STX8: variants seen among roughly 807,000 people sequenced by gnomAD.
The protein encoded by STX8 is syntaxin 8, also known as syntaxin-8.
Under a neutral mutation model 37.5 loss-of-function variants are expected in STX8, and 23 were observed. The ratio of observed to expected loss-of-function variants is 0.61; its 90% CI spans 0.44 to 0.87. STX8 has a LOEUF of 0.87. Ranked by LOEUF, STX8 falls within the 40% of genes least tolerant of loss-of-function variation. The pLI is 0.00. For missense variants in STX8, 313 were observed against 284.7 expected, an observed-to-expected ratio of 1.10 and a Z score of -0.71; for synonymous variants, 115 against 99.1, an observed-to-expected ratio of 1.16 and a Z score of -0.95.
chr17:9,436,182 CA>C (rs35723779), intron 6 of STX8, among the ~76,000 whole-genome samples: 35,172 of 137,208 alleles, frequency 0.26, 4,199 homozygotes, highest in Middle Eastern at 0.33. Flanking sequence ...ACTAAAAATA[CA>C]AAAAAAAAAA....
At chr17:9,272,319 G>C (rs1907494397) in intron 7 of STX8, among the ~76,000 whole-genome samples, 1 of 152,204 alleles carries the variant, frequency 6.6e-6, no homozygotes, top group Non-Finnish European at 1.5e-5. Flanking sequence ...AGAAGCCCGA[G>C]GAAATGCCCT....
At chr17:9,478,823 C>T (rs528514594) in intron 6 of STX8, among the ~76,000 whole-genome samples, 9 of 152,264 alleles carry the variant, frequency 5.9e-5, no homozygotes, top group South Asian at 4.1e-4. Flanking sequence ...GAGATATCCC[C>T]GTTTTCCCTG....
intron 4 of STX8, among the ~76,000 whole-genome samples, chr17:9,521,619 G>A (rs1905341207): frequency 6.6e-6 from 1 of 152,058 alleles, no homozygotes; most frequent in African/African-American, 2.4e-5. Context: ...GACAAACACT[G>A]AATATCTTCT....
intron 7 of STX8, among the ~76,000 whole-genome samples, chr17:9,301,505 T>C (rs1001096471): frequency 2.0e-5 from 3 of 151,744 alleles, no homozygotes; most frequent in South Asian, 2.1e-4. Context: ...ATTTTTGAGA[T>C]GGAGTCTCAC....
chr17:9,556,561 C>A (rs1451363085), intron 3 of STX8, among the ~76,000 whole-genome samples: 1 of 151,768 alleles, frequency 6.6e-6, no homozygotes, highest in Non-Finnish European at 1.5e-5. Flanking sequence ...CCTGCCTCAA[C>A]CTCCTGAGTA....
intron 4 of STX8, among the ~76,000 whole-genome samples, chr17:9,522,413 A>T (rs1905376516): frequency 6.6e-6 from 1 of 152,032 alleles, no homozygotes; most frequent in Admixed American, 6.6e-5. Context: ...AAAGTTTCCT[A>T]TCGGCCGGGC....
rs1251487462 is a variant in STX8, at chr17:9,278,171, GAT to G, written c.644-27528_644-27527del. ...GGGATTGAAACATACTTTAGGGCCG[GAT>G]GCAGTGGCTTACGCCTGTAATCCCA... On this transcript the variant is annotated intron_variant, in intron 7 of 7. Transcript: ENST00000306357. Among the ~76,000 whole-genome samples, 64 of 152,312 alleles carry G rather than the reference GAT, an allele frequency of 4.2e-4. 1 individual carries two copies. The South Asian group carries it at 0.013, about 31-fold the overall frequency.
At chr17:9,330,509 G>T (rs1909926131) in intron 7 of STX8, among the ~76,000 whole-genome samples, 1 of 152,180 alleles carries the variant, frequency 6.6e-6, no homozygotes, top group African/African-American at 2.4e-5. Context: ...TATGAACAGG[G>T]CTCTGGGGAA....
chr17:9,261,132 T>C (rs953106576), intron 7 of STX8, among the ~76,000 whole-genome samples: 9 of 151,944 alleles, frequency 5.9e-5, no homozygotes, highest in Non-Finnish European at 8.8e-5. Context: ...TCCTGGGATC[T>C]GGGGTCTAGG....
chr17:9,429,559 C>T (rs1245226230), intron 6 of STX8, among the ~76,000 whole-genome samples: 5 of 140,028 alleles, frequency 3.6e-5, no homozygotes, highest in East Asian at 2.1e-4. Flanking sequence ...AAAAATTAGC[C>T]GGGCGTGGTG....
chr17:9,538,897 C>G (rs1385094516), intron 4 of STX8, among the ~76,000 whole-genome samples: 2 of 151,654 alleles, frequency 1.3e-5, no homozygotes, highest in Admixed American at 6.6e-5. Flanking sequence ...AAAGATTTAA[C>G]TAATTGTGAG....
intron 4 of STX8, among the ~76,000 whole-genome samples, chr17:9,529,388 A>G (rs1905720036): frequency 6.6e-6 from 1 of 152,238 alleles, no homozygotes; most frequent in Admixed American, 6.5e-5. Context: ...ATACATGTAC[A>G]TGTAGTATAT....
chr17:9,353,838 A>G (rs888946878), intron 7 of STX8, among the ~76,000 whole-genome samples: 3 of 152,224 alleles, frequency 2.0e-5, no homozygotes, highest in Non-Finnish European at 2.9e-5. Flanking sequence ...TCAAGATATA[A>G]CAGAACCTAC....
In STX8 at chr17:9,335,123, G is replaced by A. The variant is rs146085206; in HGVS notation, c.643+43429C>T. 6.1e-3 allele frequency among the ~76,000 whole-genome samples: 933 copies of A among 152,126 alleles called. 10 individuals are homozygous for A. Among genetic ancestry groups the A allele is most frequent in the Non-Finnish European group, 9.7e-3 (659 of 68,008 alleles). On this transcript the variant is annotated intron_variant, in intron 7 of 7. Coordinates refer to ENST00000306357, the MANE Select transcript of STX8 (RefSeq NM_004853.3). The stretch of plus-strand genomic sequence containing the variant: ...CCCCACCACTCTGACTCATACCCCT[G>A]CTCTCTTTAAAATAGCCAATCGGAA...
At chr17:9,279,612 C>T (rs1907806539) in intron 7 of STX8, among the ~76,000 whole-genome samples, 1 of 152,160 alleles carries the variant, frequency 6.6e-6, no homozygotes, top group Non-Finnish European at 1.5e-5. Flanking sequence ...ATCTTCTCTG[C>T]TTTCACAGCC....
chr17:9,316,463 T>C (rs1006005438), intron 7 of STX8, among the ~76,000 whole-genome samples: 2 of 152,078 alleles, frequency 1.3e-5, no homozygotes, highest in African/African-American at 4.8e-5. Flanking sequence ...TGGTCAATAA[T>C]TTAATCTACC....
Position 9,491,816 on chromosome 17 carries a change from GACTTATTCT to G in STX8, c.541+4_541+12del. ...TCAACGGCAAATCTGGTCAATCCCAGACTTATTCTTACCATTTTGTTCATCCAATTCATT... is the reference window on the plus strand; with the variant it reads ...TCAACGGCAAATCTGGTCAATCCCAGTACCATTTTGTTCATCCAATTCATT... On this transcript the variant is annotated splice_donor_5th_base_variant and intron_variant, in intron 6 of 7. Coordinates refer to ENST00000306357, the MANE Select transcript of STX8 (RefSeq NM_004853.3). 1.2e-6 allele frequency: 2 copies of G among 1,609,218 alleles called. No homozygotes were observed. Among genetic ancestry groups the G allele is most frequent in the Non-Finnish European group, 1.7e-6 (2 of 1,176,990 alleles).
intron 6 of STX8, among the ~76,000 whole-genome samples, chr17:9,474,033 T>C (rs1905993171): frequency 6.6e-6 from 1 of 152,174 alleles, no homozygotes; most frequent in African/African-American, 2.4e-5. Flanking sequence ...TGGCTGATGA[T>C]GTCATCGATC....
intron 1 of STX8, 130 bp from the exon 2 acceptor site, chr17:9,568,600 G>A (rs1427946420): frequency 3.9e-5 from 25 of 633,030 alleles, no homozygotes; most frequent in Admixed American, 1.9e-4. Context: ...TCCTGGGTTC[G>A]CACCATTCTC....
Sources: allele counts gnomAD v4.1 joint callset (sites outside exome capture counted in the v4.1 genomes callset), GRCh38; gene constraint gnomAD v4.1.1; transcripts MANE v1.5; gene names NCBI Gene and HGNC (gene_info 2026-07-23, HGNC 2026-07-21).